Variants in NEO1 observed in about 807,000 individuals in gnomAD.
NEO1 encodes neogenin.
A neutral mutation model predicts 159.7 loss-of-function variants in NEO1; 63 were observed. The observed-to-expected ratio is 0.39, with a 90% confidence interval of 0.32 to 0.49. The LOEUF (loss-of-function observed/expected upper bound fraction) is 0.49. Ranked by LOEUF, NEO1 falls within the 20% of genes least tolerant of loss-of-function variation. NEO1 has a pLI of 0.85. For synonymous variants in NEO1, 633 were observed against 662.0 expected, an observed-to-expected ratio of 0.96 and a Z score of 0.67; for missense variants, 1,615 against 1,831.0, an observed-to-expected ratio of 0.88 and a Z score of 2.15.
chr15:73,246,121 A>G (rs1332795884), intron 9 of NEO1, among the ~76,000 whole-genome samples: 1 of 152,178 alleles, frequency 6.6e-6, no homozygotes, highest in Non-Finnish European at 1.5e-5. Context: ...TTCACTTTCT[A>G]ATGCTATGGC....
chr15:73,063,625 T>TTTTG lies in NEO1; in HGVS notation c.130+10848_130+10851dup, dbSNP rs142986643. On this transcript the variant is annotated intron_variant, in intron 1 of 28. Transcript: ENST00000261908. ...GTAGGGTTTTTAGATGCGCAGCCTT[T>TTTTG]TTTGTTTGTTTGTTTGTTTGTTTGT... Among the ~76,000 whole-genome samples the TTTTG allele has an allele frequency of 2.1e-3, 318 of 150,864 alleles. 2 individuals carry two copies. Among genetic ancestry groups the TTTTG allele is most frequent in the South Asian group, 0.018 (87 of 4,760 alleles).
At chr15:73,068,519 G>A (rs2068353120) in intron 1 of NEO1, among the ~76,000 whole-genome samples, 1 of 151,992 alleles carries the variant, frequency 6.6e-6, no homozygotes, top group African/African-American at 2.4e-5. Context: ...GTGTGTTTCT[G>A]TCCCTCATCT....
intron 7 of NEO1, among the ~76,000 whole-genome samples, chr15:73,199,270 A>G (rs2036718676): frequency 6.6e-6 from 1 of 151,614 alleles, no homozygotes; most frequent in Admixed American, 6.6e-5. Context: ...ATCACATCAC[A>G]TTGAGGGCAC....
chr15:73,102,791 A>T (rs117050279), intron 1 of NEO1, among the ~76,000 whole-genome samples: 17 of 151,924 alleles, frequency 1.1e-4, no homozygotes, highest in Admixed American at 2.6e-4. Flanking sequence ...TTTTCCTGTA[A>T]CTCCAGTTTC....
chr15:73,217,957 C>T (rs1423084726), intron 7 of NEO1, among the ~76,000 whole-genome samples: 6 of 151,920 alleles, frequency 3.9e-5, no homozygotes, highest in Non-Finnish European at 8.8e-5. Context: ...GAACTTCCAA[C>T]ACTATGTTGA....
Position 73,066,144 on chromosome 15 carries a change from A to G in NEO1, c.130+13339A>G, listed in dbSNP as rs551737386. ...GCCATTCTCCTGTCTCAGCATCCCA[A>G]GTAGCTGGGACTACAGGCGCCTGCC... is the stretch of plus-strand genomic sequence containing the variant. On this transcript the variant is annotated intron_variant, in intron 1 of 28. Transcript: ENST00000261908. Among the ~76,000 whole-genome samples, 47 of 150,554 alleles carry G rather than the reference A, an allele frequency of 3.1e-4. 2 individuals are homozygous for G. The South Asian group carries it at 9.5e-3, about 30-fold the overall frequency.
intron 7 of NEO1, among the ~76,000 whole-genome samples, chr15:73,226,335 G>A (rs2150790939): frequency 6.6e-6 from 1 of 152,302 alleles, no homozygotes; most frequent in Non-Finnish European, 1.5e-5. Flanking sequence ...CGTCTGCCAT[G>A]GTGATCCAAA....
chr15:73,092,677 G>T (rs1011071047), intron 1 of NEO1, among the ~76,000 whole-genome samples: 7 of 152,064 alleles, frequency 4.6e-5, no homozygotes, highest in African/African-American at 1.7e-4. Context: ...ATACCATAAA[G>T]TGCCCAGCTT....
chr15:73,292,891 G>T (rs2151146230), intron 25 of NEO1, among the ~76,000 whole-genome samples: 1 of 152,342 alleles, frequency 6.6e-6, no homozygotes, highest in Admixed American at 6.5e-5. Context: ...TCATTCAGCA[G>T]TTTTAACAAA....
At chr15:73,167,626 G>A (rs1289286415) in intron 5 of NEO1, among the ~76,000 whole-genome samples, 3 of 152,192 alleles carry the variant, frequency 2.0e-5, no homozygotes, top group South Asian at 2.1e-4. Context: ...CCAAGTGTAC[G>A]ATGATGAATG....
intron 1 of NEO1, among the ~76,000 whole-genome samples, chr15:73,070,347 T>A (rs2068470378): frequency 2.6e-5 from 4 of 152,246 alleles, no homozygotes; most frequent in Admixed American, 2.6e-4. Flanking sequence ...AGTAGTGGTA[T>A]ACTTTGAGAG....
chr15:73,189,003 A>C (rs1192594800), intron 7 of NEO1, among the ~76,000 whole-genome samples: 1 of 152,038 alleles, frequency 6.6e-6, no homozygotes, highest in Non-Finnish European at 1.5e-5. Flanking sequence ...AGAGGCTGAG[A>C]TGGGAGGATT....
At chr15:73,162,450 T>C (rs1205636669) in intron 5 of NEO1, 1 of 154,130 alleles carries the variant, frequency 6.5e-6, no homozygotes, top group East Asian at 1.9e-4. Context: ...TGGAGTGCAG[T>C]GGTGTGATCT....
intron 7 of NEO1, among the ~76,000 whole-genome samples, chr15:73,183,549 A>G (rs1382782): frequency 0.29 from 43,730 of 152,080 alleles, 7,354 homozygotes; most frequent in East Asian, 0.57. Context: ...GGAAACTTCT[A>G]CCTAAGACCG....
At chr15:73,198,021 C>A (rs894016533) in intron 7 of NEO1, among the ~76,000 whole-genome samples, 2 of 152,050 alleles carry the variant, frequency 1.3e-5, no homozygotes, top group African/African-American at 4.8e-5. Context: ...ATTTTCTATT[C>A]TTTCATTTTC....
chr15:73,126,321 C>T (rs966615073), intron 3 of NEO1, 96 bp from the exon 4 acceptor site: 16 of 1,158,362 alleles, frequency 1.4e-5, no homozygotes, highest in African/African-American at 6.2e-5. Context: ...CCTCCCTCCT[C>T]GGCCTCCCAA....
At chr15:73,141,166 G>A (rs188723174) in intron 5 of NEO1, among the ~76,000 whole-genome samples, 4 of 152,222 alleles carry the variant, frequency 2.6e-5, no homozygotes, top group Admixed American at 2.6e-4. Context: ...ATAATTGAAA[G>A]CATTTATTTT....
At chr15:73,263,459 T>A (rs2040728954) in intron 15 of NEO1, among the ~76,000 whole-genome samples, 1 of 152,166 alleles carries the variant, frequency 6.6e-6, no homozygotes, top group African/African-American at 2.4e-5. Flanking sequence ...CCTTCCAAAG[T>A]GCTGGGATTA....
chr15:73,203,701 A>G (rs1032056144), intron 7 of NEO1, among the ~76,000 whole-genome samples: 2 of 152,222 alleles, frequency 1.3e-5, no homozygotes, highest in Admixed American at 1.3e-4. Context: ...TTAAGACAAC[A>G]CTATACTGCT....
Sources: allele counts gnomAD v4.1 joint callset (sites outside exome capture counted in the v4.1 genomes callset), GRCh38; gene constraint gnomAD v4.1.1; transcripts MANE v1.5; gene names NCBI Gene and HGNC (gene_info 2026-07-23, HGNC 2026-07-21).